Variants in EHF observed in about 807,000 individuals in gnomAD.
EHF encodes ETS homologous factor, also known as ESE3 transcription factor.
EHF carries 14 observed loss-of-function variants against 45.1 expected under a neutral mutation model. The ratio of observed to expected loss-of-function variants is 0.31; its 90% CI spans 0.21 to 0.49. EHF has a LOEUF of 0.49. EHF is among the 20% of genes least tolerant of loss of function. The pLI, the probability that EHF is intolerant of heterozygous loss-of-function variation, is 0.99. For synonymous variants in EHF, 136 were observed against 131.8 expected (o/e 1.03, Z -0.22); for missense variants, 282 against 371.4 (o/e 0.76, Z 1.98).
chr11:34,629,024 G>A (rs1852631559), intron 1 of EHF, among the ~76,000 whole-genome samples: 1 of 152,184 alleles, frequency 6.6e-6, no homozygotes, highest in Non-Finnish European at 1.5e-5. Flanking sequence ...TGGTGAAATG[G>A]AATGTATGAC....
intron 4 of EHF, among the ~76,000 whole-genome samples, chr11:34,649,323 C>T (rs1266552870): frequency 6.6e-6 from 1 of 152,162 alleles, no homozygotes; most frequent in Non-Finnish European, 1.5e-5. Context: ...GCCTCCTACT[C>T]CTGGTTGTGG....
intron 6 of EHF, 105 bp from the exon 7 acceptor site, chr11:34,656,803 A>AT: frequency 4.7e-6 from 6 of 1,275,882 alleles, no homozygotes; most frequent in Non-Finnish European, 6.5e-6. Flanking sequence ...GGTGCCAGGC[A>AT]TGCAGTAGGT....
intron 1 of EHF, chr11:34,632,641 A>G: frequency 6.5e-7 from 1 of 1,535,600 alleles, no homozygotes; most frequent in Non-Finnish European, 8.7e-7. Flanking sequence ...CCTAGCTGAA[A>G]TTCTTTTCAA....
intron 1 of EHF, among the ~76,000 whole-genome samples, chr11:34,626,385 G>A (rs985419899): frequency 6.6e-6 from 1 of 152,154 alleles, no homozygotes; most frequent in African/African-American, 2.4e-5. Context: ...TCTTGTGGAG[G>A]TTATTCCAGG....
intron 1 of EHF, chr11:34,632,600 C>T (rs1261499019): frequency 1.2e-5 from 18 of 1,535,448 alleles, no homozygotes; most frequent in African/African-American, 2.7e-5. Flanking sequence ...ATGGGGTTGC[C>T]GGAGAGAAGA....
At chr11:34,649,678 C>T (rs1014913950) in intron 4 of EHF, among the ~76,000 whole-genome samples, 13 of 152,282 alleles carry the variant, frequency 8.5e-5, no homozygotes, top group African/African-American at 2.6e-4. Context: ...CATTCATTTT[C>T]GTTTCCTTTC....
chr11:34,638,186 GC>G (rs1362178850), intron 1 of EHF, among the ~76,000 whole-genome samples: 3 of 152,256 alleles, frequency 2.0e-5, no homozygotes, highest in African/African-American at 7.2e-5. Flanking sequence ...ACAGGCGTGA[GC>G]CATCGCACCC....
Position 34,658,767 on chromosome 11 carries a change from C to T in EHF, c.803+39C>T, listed in dbSNP as rs184420633. The T allele has an allele frequency of 4.7e-3, 7,512 of 1,608,152 alleles. 533 individuals are homozygous for T. In the Admixed American group the frequency reaches 0.12, roughly 25 times the overall value. The stretch of plus-strand genomic sequence containing the variant: ...TGTCTCTGAAAACAAAAAGGCTGTA[C>T]GACCCATTATTTACCTAGCAACCTT... On this transcript the variant is annotated intron_variant, in intron 8 of 8. Coordinates refer to ENST00000257831, the MANE Select transcript of EHF (RefSeq NM_012153.6).
At chr11:34,643,845 T>C (rs1465346534) in intron 2 of EHF, among the ~76,000 whole-genome samples, 1 of 152,210 alleles carries the variant, frequency 6.6e-6, no homozygotes, top group Non-Finnish European at 1.5e-5. Context: ...GAAGGCAGCA[T>C]TTCTCCTGCT....
At chr11:34,636,557 C>G (rs1334505311) in intron 1 of EHF, among the ~76,000 whole-genome samples, 1 of 152,222 alleles carries the variant, frequency 6.6e-6, no homozygotes, top group Non-Finnish European at 1.5e-5. Context: ...CAAATAATCT[C>G]ATTTAGTCCT....
intron 6 of EHF, among the ~76,000 whole-genome samples, chr11:34,656,465 TC>T: frequency 6.6e-6 from 1 of 152,196 alleles, no homozygotes; most frequent in Admixed American, 6.5e-5. Flanking sequence ...CAGAGTCATG[TC>T]CTTAAAAGTC....
At position 34,651,604 on chromosome 11, in the gene EHF, A is replaced by T. The variant is rs200776971; in HGVS notation, c.469A>T (p.Thr157Ser). Residue 157 changes from threonine (T) to serine (S), a missense_variant, in exon 5 of 9, where the codon ACA becomes TCA. By Grantham distance (58) the Thr-to-Ser change is moderately conservative. Transcript: ENST00000257831. ...TTTATATGACACCAACTATGGTAGCACAGTAGGTAACTAACTCCCTGACAC... is the reference window on the plus strand; with the variant it reads ...TTTATATGACACCAACTATGGTAGCTCAGTAGGTAACTAACTCCCTGACAC... ...NYLYDTNYGSTVDLLDSKTFC... is the reference protein window; with the variant it reads ...NYLYDTNYGSSVDLLDSKTFC... The T allele has an allele frequency of 6.8e-6, 11 of 1,613,714 alleles. No individual in the cohort carries two copies. The African/African-American group carries it at 1.3e-4, about 20-fold the overall frequency.
intron 1 of EHF, among the ~76,000 whole-genome samples, chr11:34,633,426 A>C (rs1853093864): frequency 6.6e-6 from 1 of 152,176 alleles, no homozygotes; most frequent in Non-Finnish European, 1.5e-5. Flanking sequence ...GGGTAAGTCT[A>C]TATAGACCAG....
intron 1 of EHF, among the ~76,000 whole-genome samples, chr11:34,638,345 A>T (rs771948587): frequency 1.3e-5 from 2 of 152,212 alleles, no homozygotes. Context: ...TACCCAGTGT[A>T]TTCTCTTAAA....
At chr11:34,657,001 G>A (rs372883381) in intron 7 of EHF, 31 bp downstream of exon 7, 3 of 1,611,888 alleles carry the variant, frequency 1.9e-6, no homozygotes, top group African/African-American at 2.7e-5. Context: ...ATGGCCTTTG[G>A]TCCTTCCCAT....
In EHF at chr11:34,657,255, G is replaced by A. The variant is rs286892; in HGVS notation, c.607+285G>A. ...AAGAACTGCTTGCAGGCATGGGGTT[G>A]GCAATTTCCTCTCTCCCAGAAGAAA... On this transcript the variant is annotated intron_variant, in intron 7 of 8. Transcript: ENST00000257831. Among the ~76,000 whole-genome samples the A allele has an allele frequency of 0.93, 136,221 of 146,568 alleles. 62,971 individuals carry two copies. Among genetic ancestry groups the A allele is most frequent in the East Asian group, 1 (5,180 of 5,180 alleles).
At chr11:34,632,491 G>A (rs1852982393) in intron 1 of EHF, 4 of 1,531,218 alleles carry the variant, frequency 2.6e-6, no homozygotes, top group South Asian at 2.4e-5. Flanking sequence ...TGCCCTGAGT[G>A]GAGATTGGTT....
In EHF at chr11:34,632,686, CG is replaced by C; in HGVS notation, c.-3-9940del. The C allele has an allele frequency of 2.0e-6, 3 of 1,534,494 alleles. No individual in the cohort carries two copies. In the South Asian group the frequency reaches 3.6e-5, roughly 18 times the overall value. ...TTCTCAAATGCCAGAGAGGGTTGCCCGGCTCTCTCTGCTCTTGCCCCATTCC... is the reference window on the plus strand; with the variant it reads ...TTCTCAAATGCCAGAGAGGGTTGCCCGCTCTCTCTGCTCTTGCCCCATTCC... On this transcript the variant is annotated intron_variant, in intron 1 of 8. Coordinates refer to ENST00000257831, the MANE Select transcript of EHF (RefSeq NM_012153.6).
At chr11:34,631,240 T>C (rs1852863035) in intron 1 of EHF, among the ~76,000 whole-genome samples, 1 of 152,072 alleles carries the variant, frequency 6.6e-6, no homozygotes, top group Non-Finnish European at 1.5e-5. Context: ...CCATATTAAC[T>C]ACATTGGTCT....
Sources: gnomAD v4.1 joint callset for allele counts (sites outside exome capture counted in the v4.1 genomes callset) on GRCh38, gnomAD v4.1.1 for gene constraint, MANE v1.5 for transcripts, NCBI Gene and HGNC (gene_info 2026-07-23, HGNC 2026-07-21) for gene names.